The following GRK5 variants were observed in gnomAD, a reference collection of about 807,000 sequenced individuals.
GRK5 encodes the protein g protein-coupled receptor kinase GRK5.
GRK5 carries 40 observed loss-of-function variants against 78.4 expected under a neutral mutation model. That is an observed-to-expected ratio of 0.51 (90% CI 0.40 to 0.66). The LOEUF is 0.66. Ranked by LOEUF, GRK5 falls within the 30% of genes least tolerant of loss-of-function variation. The pLI is 0.00. For missense variants in GRK5, 598 were observed against 759.9 expected (o/e 0.79, Z 2.50); for synonymous variants, 289 against 296.8 (o/e 0.97, Z 0.27).
chr10:119,371,667 G>A (rs911883946), intron 2 of GRK5, among the ~76,000 whole-genome samples: 2 of 152,326 alleles, frequency 1.3e-5, no homozygotes, highest in Admixed American at 6.5e-5. Flanking sequence ...CGAAGGGCTC[G>A]GTGACAGTGG....
intron 2 of GRK5, among the ~76,000 whole-genome samples, chr10:119,370,976 G>A (rs1286362342): frequency 3.9e-5 from 3 of 77,046 alleles, no homozygotes; most frequent in South Asian, 3.8e-4. Flanking sequence ...CCACCCCCCC[G>A]CCCCACTCCA....
At chr10:119,395,658 C>G (rs975292249) in intron 3 of GRK5, among the ~76,000 whole-genome samples, 1 of 152,152 alleles carries the variant, frequency 6.6e-6, no homozygotes, top group Admixed American at 6.5e-5. Context: ...ATCCATGTGG[C>G]GAGTGCGTCA....
At chr10:119,387,239 A>G (rs200777366) in intron 3 of GRK5, among the ~76,000 whole-genome samples, 2 of 152,108 alleles carry the variant, frequency 1.3e-5, no homozygotes, top group African/African-American at 4.8e-5. Flanking sequence ...CCTGACCTCA[A>G]GTGATCCGCC....
chr10:119,265,424 G>C (rs1849478120), intron 1 of GRK5, among the ~76,000 whole-genome samples: 1 of 152,108 alleles, frequency 6.6e-6, no homozygotes, highest in Non-Finnish European at 1.5e-5. Flanking sequence ...GCCTCTGGGA[G>C]GTGAGTCGGT....
chr10:119,236,699 G>C (rs1157730500), intron 1 of GRK5, among the ~76,000 whole-genome samples: 1 of 151,978 alleles, frequency 6.6e-6, no homozygotes. Context: ...GAGTACAGTG[G>C]CATGATCTTG....
chr10:119,387,786 T>A (rs1851825240), intron 3 of GRK5, among the ~76,000 whole-genome samples: 1 of 152,134 alleles, frequency 6.6e-6, no homozygotes, highest in South Asian at 2.1e-4. Context: ...GATTGAGGGA[T>A]GTTTGGCAGA....
At chr10:119,426,741 C>T (rs558280504) in intron 6 of GRK5, among the ~76,000 whole-genome samples, 7 of 151,820 alleles carry the variant, frequency 4.6e-5, no homozygotes, top group South Asian at 4.2e-4. Context: ...TCAGCATCAC[C>T]GCCATCATCA....
At chr10:119,337,904 G>A (rs938749980) in intron 2 of GRK5, among the ~76,000 whole-genome samples, 6 of 152,106 alleles carry the variant, frequency 3.9e-5, no homozygotes, top group Non-Finnish European at 8.8e-5. Context: ...GTACAGGCGT[G>A]AGCCACCACA....
intron 1 of GRK5, among the ~76,000 whole-genome samples, chr10:119,262,158 G>A (rs1589709263): frequency 6.6e-6 from 1 of 152,016 alleles, no homozygotes; most frequent in East Asian, 1.9e-4. Flanking sequence ...CTCACACATG[G>A]AGACACTTGG....
intron 6 of GRK5, among the ~76,000 whole-genome samples, chr10:119,429,656 G>A (rs1231399764): frequency 1.3e-5 from 2 of 151,732 alleles, no homozygotes; most frequent in Non-Finnish European, 1.5e-5. Flanking sequence ...GTTGGAAGAC[G>A]CGAGGTGATC....
intron 1 of GRK5, among the ~76,000 whole-genome samples, chr10:119,213,642 A>G (rs534084879): frequency 1.3e-5 from 2 of 152,296 alleles, no homozygotes; most frequent in South Asian, 2.1e-4. Flanking sequence ...GAAAAGATGT[A>G]TTTTGGGGGG....
chr10:119,344,701 G>A (rs896195340), intron 2 of GRK5, among the ~76,000 whole-genome samples: 2 of 152,134 alleles, frequency 1.3e-5, no homozygotes, highest in Admixed American at 6.5e-5. Flanking sequence ...GCGTGGGGCC[G>A]TCTAGCCCGA....
rs1263739894 is a variant in GRK5, at chr10:119,445,881, T to C, written c.1266+2129T>C. Among the ~76,000 whole-genome samples, 2 of 152,100 alleles carry C rather than the reference T, an allele frequency of 1.3e-5. No homozygotes were observed. Among genetic ancestry groups the C allele is most frequent in the Non-Finnish European group, 2.9e-5 (2 of 68,008 alleles). ...GAAGCCAGTCTCTGGCCCCCAGGTC[T>C]GTCCCCCATTCTACCTTAGCAGCCG... On this transcript the variant is annotated intron_variant, in intron 12 of 15. Transcript: ENST00000392870. This position sits in a 1 kb window ranked among gnomAD's most constrained non-coding sequence, Gnocchi z 4.1.
intron 1 of GRK5, among the ~76,000 whole-genome samples, chr10:119,261,157 C>T (rs1268465346): frequency 1.3e-5 from 2 of 149,106 alleles, no homozygotes; most frequent in African/African-American, 5.0e-5. Flanking sequence ...GGCTGCCGGG[C>T]GGAGAGGCTC....
chr10:119,348,768 C>T (rs1851144351), intron 2 of GRK5, among the ~76,000 whole-genome samples: 1 of 152,226 alleles, frequency 6.6e-6, no homozygotes, highest in South Asian at 2.1e-4. Context: ...CCAGTGAGTG[C>T]TTTGGGGGGA....
rs986908006 is a variant in GRK5, at chr10:119,269,569, G to A, written c.53-56947G>A. Among the ~76,000 whole-genome samples, 4 of 152,110 alleles carry A rather than the reference G, an allele frequency of 2.6e-5. No individual in the cohort carries two copies. The East Asian group carries it at 5.8e-4, about 22-fold the overall frequency. ...ATAATGGCCAGGCACAGTGGTTCAC[G>A]CCTGTAATCTTAGCACTTTGGGAGG... On this transcript the variant is annotated intron_variant, in intron 1 of 15. Coordinates refer to ENST00000392870, the MANE Select transcript of GRK5 (RefSeq NM_005308.3).
chr10:119,381,071 A>G, intron 3 of GRK5, 144 bp downstream of exon 3: 2 of 568,484 alleles, frequency 3.5e-6, no homozygotes, highest in Non-Finnish European at 6.3e-6. Context: ...GACTTTGATT[A>G]GGAATGCAAA....
chr10:119,282,199 G>A (rs931767388), intron 1 of GRK5, among the ~76,000 whole-genome samples: 3 of 152,092 alleles, frequency 2.0e-5, no homozygotes, highest in African/African-American at 7.2e-5. Flanking sequence ...TCACATTTTG[G>A]GGCCCTAAAT....
chr10:119,283,560 G>A (rs895676965), intron 1 of GRK5, among the ~76,000 whole-genome samples: 8 of 152,196 alleles, frequency 5.3e-5, no homozygotes, highest in African/African-American at 1.9e-4. Context: ...TGTATTCCCT[G>A]GCCAGTGCTG....
Sources: allele counts gnomAD v4.1 joint callset (sites outside exome capture counted in the v4.1 genomes callset), GRCh38; gene constraint gnomAD v4.1.1; non-coding constraint Gnocchi (gnomAD v3.1); transcripts MANE v1.5; gene names NCBI Gene and HGNC (gene_info 2026-07-23, HGNC 2026-07-21).